The following TTYH2 variants were observed in gnomAD, a reference collection of about 807,000 sequenced individuals.
TTYH2 encodes protein tweety homolog 2.
A neutral mutation model predicts 68.3 loss-of-function variants in TTYH2; 49 were observed. That is an observed-to-expected ratio of 0.72 (90% CI 0.57 to 0.91). The LOEUF (loss-of-function observed/expected upper bound fraction) is 0.91, where lower values mean the gene tolerates loss of function less well. TTYH2 is among the 40% of genes least tolerant of loss of function. The pLI is 0.00. For missense variants in TTYH2, 631 were observed against 700.4 expected (o/e 0.90, Z 1.12); for synonymous variants, 272 against 300.8 (o/e 0.90, Z 0.99).
At position 74,249,341 on chromosome 17, in the gene TTYH2, C is replaced by T; in HGVS notation, c.875-3C>T. The stretch of plus-strand genomic sequence containing the variant: ...TGCCTAACGTTATGCCGTTGCCCTG[C>T]AGAGGTGACTCGCTACTACCTGTAT... On this transcript the variant is annotated splice_polypyrimidine_tract_variant and splice_region_variant and intron_variant, in intron 7 of 13. Coordinates refer to ENST00000269346, the MANE Select transcript of TTYH2 (RefSeq NM_032646.6). 1 of 1,614,138 alleles carries T rather than the reference C, an allele frequency of 6.2e-7. No individual in the cohort carries two copies. Among genetic ancestry groups the T allele is most frequent in the Non-Finnish European group, 8.5e-7 (1 of 1,180,024 alleles).
At chr17:74,250,132 T>A in intron 9 of TTYH2, 104 bp downstream of exon 9, 1 of 1,486,912 alleles carries the variant, frequency 6.7e-7, no homozygotes, top group South Asian at 1.2e-5. Context: ...CTGCTGGCTC[T>A]CTGTTCTCCC....
chr17:74,241,771 C>T lies in TTYH2; in HGVS notation c.636-1603C>T, dbSNP rs1404464548. Among the ~76,000 whole-genome samples the T allele has an allele frequency of 6.6e-6, 1 of 152,172 alleles. No individual in the cohort carries two copies. The highest frequency in any genetic ancestry group is 1.9e-4 in the East Asian group (1 of 5,188). ...ATCCAAATACTTCCCTCTTTGGGGA[C>T]GGGGAAGCCCCTGTCTCTGTGCCCG... is the stretch of plus-strand genomic sequence containing the variant. On this transcript the variant is annotated intron_variant, in intron 4 of 13. Transcript: ENST00000269346. The surrounding 1 kb of genome is among the most constrained non-coding windows in gnomAD (Gnocchi z 4.1).
At position 74,253,212 on chromosome 17, in the gene TTYH2, C is replaced by G. The variant is rs754124591; in HGVS notation, c.1391C>G (p.Thr464Ser). 2 of 1,613,518 alleles carry G rather than the reference C, an allele frequency of 1.2e-6. No individual in the cohort carries two copies. The highest frequency in any genetic ancestry group is 8.5e-7 in the Non-Finnish European group (1 of 1,179,802). ...TACAGCAGTGGCCTGGGAAGTCAGACCAGCCTGCAGCCCCCGGCCCAGACC... is the reference window on the plus strand; with the variant it reads ...TACAGCAGTGGCCTGGGAAGTCAGAGCAGCCTGCAGCCCCCGGCCCAGACC... ...CSYSSGLGSQ[T>S]SLQPPAQTIS... Residue 464 changes from threonine (T) to serine (S), a missense_variant, in exon 12 of 14, where the codon ACC becomes AGC. Physicochemically the swap from Thr to Ser is moderately conservative, Grantham distance 58. Coordinates refer to ENST00000269346, the MANE Select transcript of TTYH2 (RefSeq NM_032646.6).
At position 74,248,352 on chromosome 17, in the gene TTYH2, TG is replaced by T. The variant is rs913157156; in HGVS notation, c.805-656del. ...CTGCGTCTGCTCCCACCCTGCCGCA[TG>T]GGCCTTAGCAATCACTTAGCCAGGC... is the stretch of plus-strand genomic sequence containing the variant. On this transcript the variant is annotated intron_variant, in intron 6 of 13. Coordinates refer to ENST00000269346, the MANE Select transcript of TTYH2 (RefSeq NM_032646.6). 4 of 985,986 alleles carry T rather than the reference TG, an allele frequency of 4.1e-6. No individual in the cohort carries two copies. In the African/African-American group the frequency reaches 7.0e-5, roughly 17 times the overall value. 61.1% of individuals were successfully genotyped at this position (985,986 alleles called of 1,614,324 possible). A position where few individuals can be genotyped will look rare whatever the true frequency, so the allele number is the denominator to read the frequency against.
At chr17:74,242,338 T>C (rs1341168922) in intron 4 of TTYH2, among the ~76,000 whole-genome samples, 4 of 152,224 alleles carry the variant, frequency 2.6e-5, no homozygotes, top group Non-Finnish European at 4.4e-5. Flanking sequence ...TGGGTATCCC[T>C]GGTGCCAAGC....
chr17:74,219,717 A>C (rs2050257392), intron 1 of TTYH2, among the ~76,000 whole-genome samples: 1 of 152,138 alleles, frequency 6.6e-6, no homozygotes, highest in Non-Finnish European at 1.5e-5. Context: ...CTTCTGGGAA[A>C]TTCATCCCAG....
intron 11 of TTYH2, 110 bp downstream of exon 11, chr17:74,252,486 C>A: frequency 7.5e-7 from 1 of 1,331,088 alleles, no homozygotes; most frequent in South Asian, 1.5e-5. Flanking sequence ...CTGAGGAGGG[C>A]AGCAGAGGGC....
rs199510369 is a variant in TTYH2, at chr17:74,252,195, C to G, written c.1117-39C>G. The G allele has an allele frequency of 5.0e-6, 8 of 1,607,710 alleles. No homozygotes were observed. The Admixed American group carries it at 8.3e-5, about 17-fold the overall frequency. ...GAGCTCGGCCCGCAGGCTTTGCCCCCGCTCCTTCACTAGCTGCATGTCCCT... is the reference window on the plus strand; with the variant it reads ...GAGCTCGGCCCGCAGGCTTTGCCCCGGCTCCTTCACTAGCTGCATGTCCCT... On this transcript the variant is annotated intron_variant, in intron 10 of 13. Transcript: ENST00000269346.
At position 74,222,797 on chromosome 17, in the gene TTYH2, T is replaced by G; in HGVS notation, c.302+140T>G. On this transcript the variant is annotated intron_variant, in intron 2 of 13. Coordinates refer to ENST00000269346, the MANE Select transcript of TTYH2 (RefSeq NM_032646.6). This position sits in a 1 kb window ranked among gnomAD's most constrained non-coding sequence, Gnocchi z 5.2. ...CAGATGAATGTTGTCCCTTTTTTTT[T>G]TTTTACCAAGCATCAGGAATCAGAT... 1 of 1,146,460 alleles carries G rather than the reference T, an allele frequency of 8.7e-7. No individual in the cohort carries two copies. The highest frequency in any genetic ancestry group is 2.8e-5 in the East Asian group (1 of 36,138). 71.0% of individuals were successfully genotyped at this position (1,146,460 alleles called of 1,614,324 possible).
chr17:74,254,167 C>CTTTATTTA (rs754823416), intron 13 of TTYH2, among the ~76,000 whole-genome samples: 16 of 136,670 alleles, frequency 1.2e-4, no homozygotes, highest in African/African-American at 4.3e-4. Flanking sequence ...AAGTAATTGC[C>CTTTATTTA]TTTATTTATT....
intron 2 of TTYH2, among the ~76,000 whole-genome samples, chr17:74,228,316 C>T (rs767323913): frequency 1.8e-4 from 28 of 152,212 alleles, no homozygotes; most frequent in Non-Finnish European, 3.2e-4. Context: ...CAGGGGGTTC[C>T]GTCCTAGATC....
chr17:74,246,161 G>A (rs1323869499), intron 6 of TTYH2, among the ~76,000 whole-genome samples: 12 of 152,182 alleles, frequency 7.9e-5, no homozygotes, highest in Admixed American at 7.9e-4. Context: ...GCTGTCACAA[G>A]TGCTTTGGCC....
chr17:74,228,670 AGGGG>A (rs1339723471), intron 2 of TTYH2, among the ~76,000 whole-genome samples: 1 of 150,032 alleles, frequency 6.7e-6, no homozygotes, highest in African/African-American at 2.4e-5. Flanking sequence ...GAAGAAATTC[AGGGG>A]CTGTTTGTAG....
chr17:74,220,816 T>C (rs1312241371), intron 1 of TTYH2, among the ~76,000 whole-genome samples: 1 of 151,392 alleles, frequency 6.6e-6, no homozygotes, highest in Non-Finnish European at 1.5e-5. Context: ...AGAAGGGATC[T>C]CCCTCTGTCA....
Position 74,214,639 on chromosome 17 carries a change from C to T in TTYH2, c.129+923C>T, listed in dbSNP as rs1038436476. 6.6e-6 allele frequency among the ~76,000 whole-genome samples: 1 copy of T among 152,202 alleles called. No individual in the cohort carries two copies. The highest frequency in any genetic ancestry group is 1.5e-5 in the Non-Finnish European group (1 of 68,042). On this transcript the variant is annotated intron_variant, in intron 1 of 13. Transcript: ENST00000269346. This position sits in a 1 kb window ranked among gnomAD's most constrained non-coding sequence, Gnocchi z 4.6. ...CAAACAAAGCTGCAGAATCTCCCAG[C>T]CCGTCTCAGGTCTGGTCACGCCTGC...
Position 74,233,849 on chromosome 17 carries a change from C to T in TTYH2, c.414+2850C>T, listed in dbSNP as rs532237462. On this transcript the variant is annotated intron_variant, in intron 3 of 13. Coordinates refer to ENST00000269346, the MANE Select transcript of TTYH2 (RefSeq NM_032646.6). ...GTACCTGGTAGCCAGCACGGCCCCTCCAGGCTCTCTCATGTGAGTCTGCAG... is the reference window on the plus strand; with the variant it reads ...GTACCTGGTAGCCAGCACGGCCCCTTCAGGCTCTCTCATGTGAGTCTGCAG... 3.9e-5 allele frequency among the ~76,000 whole-genome samples: 6 copies of T among 152,282 alleles called. No homozygotes were observed. In the South Asian group the frequency reaches 1.2e-3, roughly 32 times the overall value.
At position 74,222,762 on chromosome 17, in the gene TTYH2, AG is replaced by A. The variant is rs2050289966; in HGVS notation, c.302+106del. ...GGAGCTCCAGCTACCTTGATGGAAAAGCTTGTCCCCAGATGAATGTTGTCCC... is the reference window on the plus strand; with the variant it reads ...GGAGCTCCAGCTACCTTGATGGAAAACTTGTCCCCAGATGAATGTTGTCCC... On this transcript the variant is annotated intron_variant, in intron 2 of 13. Coordinates refer to ENST00000269346, the MANE Select transcript of TTYH2 (RefSeq NM_032646.6). This position sits in a 1 kb window ranked among gnomAD's most constrained non-coding sequence, Gnocchi z 5.2. 7.5e-7 allele frequency: 1 copy of A among 1,335,130 alleles called. No homozygotes were observed. The highest frequency in any genetic ancestry group is 1.5e-5 in the African/African-American group (1 of 66,694). 82.7% of individuals were successfully genotyped at this position (1,335,130 alleles called of 1,614,324 possible). A position where few individuals can be genotyped will look rare whatever the true frequency, so the allele number is the denominator to read the frequency against.
intron 2 of TTYH2, among the ~76,000 whole-genome samples, chr17:74,228,189 G>T (rs2050351517): frequency 6.6e-6 from 1 of 151,948 alleles, no homozygotes; most frequent in African/African-American, 2.4e-5. Context: ...TCGCCATGTT[G>T]GCCAGGCTGG....
At chr17:74,230,159 T>C (rs1567813183) in intron 2 of TTYH2, among the ~76,000 whole-genome samples, 1 of 151,676 alleles carries the variant, frequency 6.6e-6, no homozygotes, top group Admixed American at 6.6e-5. Flanking sequence ...ATAAAGGGGT[T>C]AGAGGGGAGG....
Sources: gnomAD v4.1 joint callset for allele counts (sites outside exome capture counted in the v4.1 genomes callset) on GRCh38, gnomAD v4.1.1 for gene constraint, Gnocchi (gnomAD v3.1) non-coding constraint, MANE v1.5 for transcripts, NCBI Gene and HGNC (gene_info 2026-07-23, HGNC 2026-07-21) for gene names.